The following ABHD5 variants were observed in gnomAD, a reference collection of about 807,000 sequenced individuals.
ABHD5 encodes abhydrolase domain containing 5, lysophosphatidic acid acyltransferase, also known as 1-acylglycerol-3-phosphate O-acyltransferase ABHD5.
A neutral mutation model predicts 44.9 loss-of-function variants in ABHD5; 30 were observed. The ratio of observed to expected loss-of-function variants is 0.67; its 90% CI spans 0.50 to 0.91. ABHD5 has a LOEUF of 0.91. Among genes scored for constraint, ABHD5 ranks in the 40% least tolerant of loss-of-function variants. ABHD5 has a pLI of 0.00. For missense variants in ABHD5, 399 were observed against 423.4 expected, an observed-to-expected ratio of 0.94 and a Z score of 0.50; for synonymous variants, 167 against 147.0, an observed-to-expected ratio of 1.14 and a Z score of -0.99.
intron 2 of ABHD5, chr3:43,701,897 C>T (rs2084546252): frequency 4.5e-6 from 1 of 220,348 alleles, no homozygotes; most frequent in African/African-American, 2.3e-5. Context: ...CCACTAAGTT[C>T]CTTTTCACTT....
rs528326304 is a variant in ABHD5 at position 43,718,252 on chromosome 3, A to C, written c.961-191A>C. 2.7e-4 allele frequency among the ~76,000 whole-genome samples: 41 copies of C among 152,116 alleles called. No individual in the cohort carries two copies. The South Asian group carries it at 3.3e-3, about 12-fold the overall frequency. Reference sequence around the variant, plus strand: ...TTAAAATTTTATTGAGATTCAGTAGATTTTTCTATTCTCAGATCCTTTTAA... The same window carrying C: ...TTAAAATTTTATTGAGATTCAGTAGCTTTTTCTATTCTCAGATCCTTTTAA... On this transcript the variant is annotated intron_variant, in intron 6 of 6. Coordinates refer to ENST00000644371, the MANE Select transcript of ABHD5 (RefSeq NM_016006.6).
Position 43,711,818 on chromosome 3 carries a change from A to T in ABHD5, c.616A>T (p.Thr206Ser), listed in dbSNP as rs777963152. 3 of 1,614,042 alleles carry T rather than the reference A, an allele frequency of 1.9e-6. No homozygotes were observed. In the Admixed American group the frequency reaches 5.0e-5, roughly 27 times the overall value. The change falls in exon 4 of 7, where the codon ACT becomes TCT. Residue 206 changes from threonine to serine, a missense_variant. Coordinates refer to ENST00000644371, the MANE Select transcript of ABHD5 (RefSeq NM_016006.6). ...GATCAGAGCCTTGGGAGCAGCATTG[A>T]CTCCCTTTAACCCTTTAGCTGGCCT... ...VWIRALGAAL[T>S]PFNPLAGLRI...
chr3:43,711,729 T>C lies in ABHD5; in HGVS notation c.527T>C (p.Val176Ala), dbSNP rs951459053. 2.0e-5 allele frequency: 33 copies of C among 1,614,068 alleles called. No individual in the cohort carries two copies. The highest frequency in any genetic ancestry group is 2.7e-5 in the Non-Finnish European group (32 of 1,180,034). ...YPSRVNHLIL[V>A]EPWGFPERPD... ...AACAGGGTTAATCATCTCATTTTAG[T>C]GGAGCCTTGGGGTTTCCCTGAACGA... Residue 176 changes from valine (V) to alanine (A), a missense_variant, in exon 4 of 7, where the codon GTG (valine) becomes GCG (alanine). Coordinates refer to ENST00000644371, the MANE Select transcript of ABHD5 (RefSeq NM_016006.6).
intron 5 of ABHD5, among the ~76,000 whole-genome samples, chr3:43,716,332 C>A (rs1020882994): frequency 2.6e-5 from 4 of 152,122 alleles, no homozygotes; most frequent in African/African-American, 4.8e-5. Context: ...GCATCTCTAA[C>A]AAATACTCTG....
chr3:43,696,537 G>A (rs538175144), intron 1 of ABHD5, among the ~76,000 whole-genome samples: 40 of 152,278 alleles, frequency 2.6e-4, no homozygotes, highest in African/African-American at 8.9e-4. Flanking sequence ...AATTTATCCC[G>A]AAGACAGGAG....
chr3:43,726,016 C>A (rs1212010712), downstream of ABHD5, among the ~76,000 whole-genome samples: 4 of 152,106 alleles, frequency 2.6e-5, no homozygotes, highest in Non-Finnish European at 4.4e-5. Flanking sequence ...TAGGCGCCCA[C>A]CACCATGCTC....
intron 3 of ABHD5, 34 bp from the exon 4 acceptor site, chr3:43,711,675 C>G (rs545660651): frequency 1.2e-6 from 2 of 1,612,668 alleles, no homozygotes; most frequent in South Asian, 2.2e-5. Flanking sequence ...GTGATTTTAC[C>G]AAATGAACTT....
At chr3:43,699,229 G>C in intron 1 of ABHD5, 47 bp from the exon 2 acceptor site, 1 of 1,492,900 alleles carries the variant, frequency 6.7e-7, no homozygotes, top group Admixed American at 1.7e-5. Context: ...TGGTAGTTGA[G>C]AAGAGCATGA....
chr3:43,733,463 G>A (rs1395498236), intron 7 of ABHD5, among the ~76,000 whole-genome samples: 1 of 152,176 alleles, frequency 6.6e-6, no homozygotes, highest in Non-Finnish European at 1.5e-5. Context: ...TTAACAGGTT[G>A]TTTTTAATTT....
rs1220549731 is a variant in ABHD5 at position 43,722,685 on chromosome 3, A to G, written c.*4153A>G. The G allele has an allele frequency of 6.6e-6, 1 of 152,236 alleles. No individual in the cohort carries two copies. 9.4% of individuals were successfully genotyped at this position (152,236 alleles called of 1,614,324 possible). A position where few individuals can be genotyped will look rare whatever the true frequency, so the allele number is the denominator to read the frequency against. On this transcript the variant is annotated 3_prime_UTR_variant, in exon 7 of 7. Coordinates refer to ENST00000644371, the MANE Select transcript of ABHD5 (RefSeq NM_016006.6). ...TGTCTGTACTTTGCTAATGGAATATATCCTACAGACCAAACAACCACAAAT... is the reference window on the plus strand; with the variant it reads ...TGTCTGTACTTTGCTAATGGAATATGTCCTACAGACCAAACAACCACAAAT...
chr3:43,719,764 C>G lies in ABHD5; in HGVS notation c.*1232C>G, dbSNP rs1484405244. 6.6e-6 allele frequency: 1 copy of G among 151,912 alleles called. No individual in the cohort carries two copies. Among genetic ancestry groups the G allele is most frequent in the African/African-American group, 2.4e-5 (1 of 41,354 alleles). The allele number at this position is 151,912 out of a possible 1,614,324, so 9.4% of individuals were successfully genotyped here. ...ACTGGCTGCTGAGAAAACCCTTCAC[C>G]AAAAAAATAAATAAAAATTGAATAG... On this transcript the variant is annotated 3_prime_UTR_variant, in exon 7 of 7. Transcript: ENST00000644371.
intron 1 of ABHD5, 183 bp downstream of exon 1, chr3:43,691,222 G>A: frequency 2.0e-6 from 1 of 506,840 alleles, no homozygotes; most frequent in Non-Finnish European, 3.1e-6. Context: ...CGCTCTGCCT[G>A]GGAGAGGCTC....
intron 4 of ABHD5, among the ~76,000 whole-genome samples, chr3:43,714,138 T>TTTC (rs1559417215): frequency 9.3e-6 from 1 of 107,382 alleles, no homozygotes; most frequent in African/African-American, 5.3e-5. Context: ...TCTTTTTTTC[T>TTTC]TTTTTTTTTT....
chr3:43,697,778 T>C (rs2084491924), intron 1 of ABHD5, among the ~76,000 whole-genome samples: 1 of 152,202 alleles, frequency 6.6e-6, no homozygotes, highest in East Asian at 1.9e-4. Context: ...TATAGACTTA[T>C]CCTGTAGGTA....
intron 7 of ABHD5, among the ~76,000 whole-genome samples, chr3:43,730,941 G>A (rs2084908978): frequency 6.6e-6 from 1 of 152,100 alleles, no homozygotes; most frequent in Non-Finnish European, 1.5e-5. Flanking sequence ...CAATTCTCCT[G>A]CCTTAGCCTC....
chr3:43,701,411 A>T (rs2084540398), intron 2 of ABHD5, among the ~76,000 whole-genome samples: 1 of 152,242 alleles, frequency 6.6e-6, no homozygotes, highest in African/African-American at 2.4e-5. Flanking sequence ...ACTGTATATG[A>T]ATATGCATAA....
At chr3:43,705,795 A>G (rs1372552459) in intron 3 of ABHD5, among the ~76,000 whole-genome samples, 3 of 152,156 alleles carry the variant, frequency 2.0e-5, no homozygotes, top group African/African-American at 7.2e-5. Context: ...TGCAAGGTGC[A>G]TCGTCTCCTT....
At chr3:43,691,072 T>C in intron 1 of ABHD5, 33 bp downstream of exon 1, 2 of 1,520,936 alleles carry the variant, frequency 1.3e-6, no homozygotes, top group Non-Finnish European at 1.8e-6. Flanking sequence ...TTCGTGTGTC[T>C]CCGGCGCGCA....
intron 1 of ABHD5, chr3:43,691,526 G>C (rs1410380491): frequency 6.6e-6 from 1 of 152,536 alleles, no homozygotes; most frequent in Non-Finnish European, 1.5e-5. Flanking sequence ...CCTGTGCTCT[G>C]TCCAGCCTCA....
Sources: allele counts gnomAD v4.1 joint callset (sites outside exome capture counted in the v4.1 genomes callset), GRCh38; gene constraint gnomAD v4.1.1; transcripts MANE v1.5; gene names NCBI Gene and HGNC (gene_info 2026-07-23, HGNC 2026-07-21).